SVIL: variants seen among roughly 807,000 people sequenced by gnomAD.
SVIL encodes the protein archvillin.
A neutral mutation model predicts 240.4 loss-of-function variants in SVIL; 101 were observed. The ratio of observed to expected loss-of-function variants is 0.42; its 90% CI spans 0.36 to 0.50. The LOEUF is 0.50. Among genes scored for constraint, SVIL ranks in the 20% least tolerant of loss-of-function variants. The pLI, the probability that SVIL is intolerant of heterozygous loss-of-function variation, is 0.01. For missense variants in SVIL, 2,512 were observed against 2,818.7 expected (o/e 0.89, Z 2.46); for synonymous variants, 999 against 1,100.0 (o/e 0.91, Z 1.82).
intron 3 of SVIL, among the ~76,000 whole-genome samples, chr10:29,649,342 T>G (rs1958765920): frequency 6.6e-6 from 1 of 152,212 alleles, no homozygotes; most frequent in South Asian, 2.1e-4. Context: ...ATGAAAGTAA[T>G]ACTGAACAAT....
At chr10:29,732,611 G>A (rs76262821) in intron 1 of SVIL, among the ~76,000 whole-genome samples, 1,530 of 152,234 alleles carry the variant, frequency 0.01, 25 homozygotes, top group African/African-American at 0.033. Context: ...AGTTGACCAT[G>A]TTTAAGGAAA....
In SVIL at chr10:29,494,914, C is replaced by A; in HGVS notation, c.3841G>T (p.Val1281Phe). 1 of 1,581,758 alleles carries A rather than the reference C, an allele frequency of 6.3e-7. No homozygotes were observed. The highest frequency in any genetic ancestry group is 8.7e-7 in the Non-Finnish European group (1 of 1,154,602). ...AAGCCTTCTGGCTTCCAGTAGGTAC[C>A]TTTGTTATTCAGCCTTCTTAGAAAG... ...ETFLRRLNNK[V>F]GGMHETVLTV... Residue 1281 changes from valine (V) to phenylalanine (F), a missense_variant and splice_region_variant, in exon 20 of 38, where the codon GTT becomes TTT. Val to Phe is a conservative substitution (Grantham distance 50). Transcript: ENST00000355867.
chr10:29,535,953 A>G, intron 7 of SVIL, 36 bp downstream of exon 7: 1 of 1,606,000 alleles, frequency 6.2e-7, no homozygotes, highest in East Asian at 2.2e-5. Flanking sequence ...AGCAACACTC[A>G]TGCACACAAG....
At chr10:29,529,196 A>AG (rs1554837228) in intron 12 of SVIL, among the ~76,000 whole-genome samples, 8 of 142,658 alleles carry the variant, frequency 5.6e-5, no homozygotes, top group South Asian at 2.2e-4. Flanking sequence ...AAAAAAAAAA[A>AG]AAAAAAAGAA....
intron 2 of SVIL, among the ~76,000 whole-genome samples, chr10:29,662,750 C>T (rs1258473760): frequency 6.6e-6 from 1 of 151,842 alleles, no homozygotes; most frequent in African/African-American, 2.4e-5. Flanking sequence ...CATTAGAAGA[C>T]AGGGCAGCAG....
intron 16 of SVIL, among the ~76,000 whole-genome samples, chr10:29,518,027 T>C (rs1950326385): frequency 6.6e-6 from 1 of 152,180 alleles, no homozygotes; most frequent in Non-Finnish European, 1.5e-5. Flanking sequence ...GAAAAGTCGA[T>C]TGCATCCTAA....
chr10:29,700,146 G>A (rs1625139), intron 1 of SVIL, among the ~76,000 whole-genome samples: 75,310 of 151,640 alleles, frequency 0.5, 19,040 homozygotes, highest in East Asian at 0.77. Context: ...ACGCTTTGCT[G>A]AGACAGAAGC....
chr10:29,500,473 C>T (rs1948792639), intron 17 of SVIL, among the ~76,000 whole-genome samples: 3 of 152,070 alleles, frequency 2.0e-5, no homozygotes, highest in South Asian at 4.1e-4. Context: ...CTCTGGAGGC[C>T]GGTGATGGCC....
At chr10:29,661,688 C>A (rs1256307167) in intron 2 of SVIL, among the ~76,000 whole-genome samples, 1 of 152,204 alleles carries the variant, frequency 6.6e-6, no homozygotes, top group Non-Finnish European at 1.5e-5. Flanking sequence ...AGAGATATGC[C>A]AGACAAAGGC....
chr10:29,600,968 A>G (rs1956789816), intron 1 of SVIL, among the ~76,000 whole-genome samples: 1 of 152,204 alleles, frequency 6.6e-6, no homozygotes, highest in South Asian at 2.1e-4. Flanking sequence ...ATAAAACCAC[A>G]TACATAGACA....
chr10:29,723,979 T>A (rs1964134794), intron 1 of SVIL, among the ~76,000 whole-genome samples: 1 of 152,194 alleles, frequency 6.6e-6, no homozygotes, highest in Middle Eastern at 3.4e-3. Context: ...AAATGGAAAA[T>A]AATGGAGAAG....
intron 37 of SVIL, 47 bp from the exon 38 acceptor site, chr10:29,458,380 G>A (rs1471488373): frequency 1.9e-6 from 3 of 1,608,060 alleles, no homozygotes; most frequent in Non-Finnish European, 2.5e-6. Context: ...AAAGGAGCCG[G>A]GCGTGCGTGT....
At chr10:29,627,898 A>G (rs1957935979) in intron 1 of SVIL, among the ~76,000 whole-genome samples, 1 of 152,234 alleles carries the variant, frequency 6.6e-6, no homozygotes, top group African/African-American at 2.4e-5. Context: ...GTGTGTGGCT[A>G]AAATGAACAT....
chr10:29,736,386 G>A (rs568871811), upstream of SVIL, among the ~76,000 whole-genome samples: 14 of 152,360 alleles, frequency 9.2e-5, no homozygotes, highest in Admixed American at 9.1e-4. Context: ...CCCAGGGCTG[G>A]GAAGATGCTT....
chr10:29,480,445 A>C, intron 29 of SVIL, 92 bp downstream of exon 29: 2 of 1,498,644 alleles, frequency 1.3e-6, no homozygotes, highest in East Asian at 2.3e-5. Context: ...GACGCAGCAG[A>C]GGGCATGACA....
intron 17 of SVIL, among the ~76,000 whole-genome samples, chr10:29,502,603 G>A (rs1008453808): frequency 1.3e-5 from 2 of 152,092 alleles, no homozygotes; most frequent in Non-Finnish European, 2.9e-5. Flanking sequence ...CAGATCCCAC[G>A]AATGTGGTGG....
At chr10:29,582,198 G>C (rs868099202) in intron 1 of SVIL, among the ~76,000 whole-genome samples, 1 of 152,164 alleles carries the variant, frequency 6.6e-6, no homozygotes, top group African/African-American at 2.4e-5. Flanking sequence ...ACTTAAACGT[G>C]GTTGAAATGG....
chr10:29,487,995 G>A (rs2132385942), intron 23 of SVIL, among the ~76,000 whole-genome samples: 1 of 152,216 alleles, frequency 6.6e-6, no homozygotes, highest in African/African-American at 2.4e-5. Context: ...CTCATCTCAA[G>A]GATTCATCTA....
At chr10:29,498,509 G>T (rs7069035) in intron 18 of SVIL, among the ~76,000 whole-genome samples, 52,125 of 152,052 alleles carry the variant, frequency 0.34, 9,724 homozygotes, top group Admixed American at 0.45. Flanking sequence ...ATTCCAAATG[G>T]GTAAGTTTTG....
Sources: allele counts gnomAD v4.1 joint callset (sites outside exome capture counted in the v4.1 genomes callset), GRCh38; gene constraint gnomAD v4.1.1; transcripts MANE v1.5; gene names NCBI Gene and HGNC (gene_info 2026-07-23, HGNC 2026-07-21).